The following ITIH2 variants were observed in gnomAD, a reference collection of about 807,000 sequenced individuals.
The protein encoded by ITIH2 is inter-alpha-trypsin inhibitor heavy chain H2.
In ITIH2, 103 loss-of-function variants were observed where a neutral mutation model predicts 104.4. The observed-to-expected ratio is 0.99, with a 90% CI of 0.84 to 1.16. The LOEUF (loss-of-function observed/expected upper bound fraction) is 1.16. ITIH2 is among the 50% of genes most tolerant of loss of function. The pLI is 0.00. For synonymous variants in ITIH2, 436 were observed against 435.4 expected (o/e 1.00, Z -0.02); for missense variants, 1,108 against 1,162.4 (o/e 0.95, Z 0.68).
At chr10:7,719,693 C>A (rs1284473866) in intron 6 of ITIH2, among the ~76,000 whole-genome samples, 1 of 131,324 alleles carries the variant, frequency 7.6e-6, no homozygotes, top group Admixed American at 9.2e-5. Flanking sequence ...CCTAAAAAAT[C>A]GAGGCTGCAG....
intron 2 of ITIH2, 38 bp downstream of exon 2, chr10:7,705,220 T>C: frequency 7.4e-7 from 1 of 1,348,342 alleles, no homozygotes; most frequent in Non-Finnish European, 1.1e-6. Flanking sequence ...GGAAAAAAAG[T>C]GAAAGAGATT....
rs370568864 is a variant in ITIH2 at position 7,730,478 on chromosome 10, G to A, written c.1461+345G>A. Among the ~76,000 whole-genome samples, 6 of 152,188 alleles carry A rather than the reference G, an allele frequency of 3.9e-5. No individual in the cohort carries two copies. The South Asian group carries it at 8.3e-4, about 21-fold the overall frequency. On this transcript the variant is annotated intron_variant, in intron 12 of 20. Coordinates refer to ENST00000358415, the MANE Select transcript of ITIH2 (RefSeq NM_002216.3). ...CATGGCCAACCGTTTTCTCTTTAAC[G>A]TGCATTGGCATCTTGGTATCAATTT...
chr10:7,727,893 G>C, intron 11 of ITIH2, 65 bp downstream of exon 11: 1 of 1,570,236 alleles, frequency 6.4e-7, no homozygotes. Flanking sequence ...ATGGTGGTTT[G>C]CCTAAAAGGG....
At chr10:7,748,965 A>G (rs1230900172) in intron 20 of ITIH2, among the ~76,000 whole-genome samples, 1 of 152,104 alleles carries the variant, frequency 6.6e-6, no homozygotes, top group East Asian at 1.9e-4. Context: ...GTCAACTCTA[A>G]GGGTTCTTTG....
At chr10:7,722,258 G>A (rs1834911420) in intron 8 of ITIH2, among the ~76,000 whole-genome samples, 1 of 152,086 alleles carries the variant, frequency 6.6e-6, no homozygotes, top group African/African-American at 2.4e-5. Flanking sequence ...TTGTACTAAG[G>A]TGAGGACTCT....
At chr10:7,716,462 T>A (rs1834850494) in intron 5 of ITIH2, among the ~76,000 whole-genome samples, 1 of 151,998 alleles carries the variant, frequency 6.6e-6, no homozygotes, top group Admixed American at 6.6e-5. Flanking sequence ...TCAGGCCAGG[T>A]GCAGTGGCTC....
At position 7,717,782 on chromosome 10, in the gene ITIH2, C is replaced by A. The variant is rs1834865018; in HGVS notation, c.624C>A (p.His208Gln). The A allele has an allele frequency of 6.2e-7, 1 of 1,609,234 alleles. No individual in the cohort carries two copies. Among genetic ancestry groups the A allele is most frequent in the Non-Finnish European group, 8.5e-7 (1 of 1,177,394 alleles). Residue 208 changes from histidine to glutamine, a missense_variant, in exon 6 of 21, where the codon CAC (histidine) becomes CAA (glutamine). Physicochemically the swap from His to Gln is conservative, Grantham distance 24. Transcript: ENST00000358415. ...IYLQPGRLAK[H>Q]LEVDVWVIEP... ...TGCAACCTGGACGGCTGGCCAAACA[C>A]TTAGAGGTAAGCCTGGATCTGTAGG...
Position 7,746,595 on chromosome 10 carries a change from C to A in ITIH2, c.2584C>A (p.Gln862Lys). 1 of 1,604,698 alleles carries A rather than the reference C, an allele frequency of 6.2e-7. No individual in the cohort carries two copies. Among genetic ancestry groups the A allele is most frequent in the South Asian group, 1.1e-5 (1 of 90,794 alleles). ...FSPKAHGLIG[Q>K]FMQEPKIHIF... ...AATGTCTGATTCTGTTTTGCTAGGCCAGTTCATGCAGGAACCAAAGATACA... is the reference window on the plus strand; with the variant it reads ...AATGTCTGATTCTGTTTTGCTAGGCAAGTTCATGCAGGAACCAAAGATACA... The change falls in exon 20 of 21, where the codon CAG becomes AAG. Residue 862 changes from glutamine (Q) to lysine (K), a missense_variant and splice_region_variant. Gln to Lys is a moderately conservative substitution (Grantham distance 53). Coordinates refer to ENST00000358415, the MANE Select transcript of ITIH2 (RefSeq NM_002216.3).
chr10:7,747,849 T>C (rs1835194321), intron 20 of ITIH2, among the ~76,000 whole-genome samples: 1 of 151,892 alleles, frequency 6.6e-6, no homozygotes, highest in Non-Finnish European at 1.5e-5. Flanking sequence ...AAGTGACTTA[T>C]GATTGTGCCT....
At chr10:7,730,464 G>A (rs1167194178) in intron 12 of ITIH2, among the ~76,000 whole-genome samples, 3 of 152,078 alleles carry the variant, frequency 2.0e-5, no homozygotes, top group African/African-American at 7.2e-5. Flanking sequence ...ATGGCCAACC[G>A]TTTTCTCTTT....
chr10:7,723,522 T>A lies in ITIH2; in HGVS notation c.939T>A (p.Phe313Leu). Residue 313 changes from phenylalanine to leucine, a missense_variant, in exon 9 of 21, where the codon TTT (phenylalanine) becomes TTA (leucine). Phe to Leu is a conservative substitution (Grantham distance 22). Transcript: ENST00000358415. ...NLDPIPKNIL[F>L]VIDVSGSMWG... ...ACCCAATTCCCAAAAACATCCTCTT[T>A]GTCATCGATGTGAGTGGCTCCATGT... The A allele has an allele frequency of 6.2e-7, 1 of 1,614,048 alleles. No homozygotes were observed. Among genetic ancestry groups the A allele is most frequent in the Non-Finnish European group, 8.5e-7 (1 of 1,179,908 alleles).
At chr10:7,703,587 G>A (rs751634569) in intron 1 of ITIH2, 69 bp downstream of exon 1, 55 of 927,024 alleles carry the variant, frequency 5.9e-5, no homozygotes, top group South Asian at 1.3e-4. Context: ...TATTGGAATC[G>A]CTATTCAATG....
intron 20 of ITIH2, among the ~76,000 whole-genome samples, chr10:7,748,701 C>A (rs1158296455): frequency 4.0e-5 from 6 of 151,080 alleles, no homozygotes; most frequent in Non-Finnish European, 8.9e-5. Context: ...ACCACCATGC[C>A]CAGGTAATTT....
chr10:7,720,266 AT>A lies in ITIH2; in HGVS notation c.631-587del, dbSNP rs1346209972. ...CAATATATTCATGTAACCAAACTGC[AT>A]TTGTACTCCTTAAATTTATACAGAT... On this transcript the variant is annotated intron_variant, in intron 6 of 20. Coordinates refer to ENST00000358415, the MANE Select transcript of ITIH2 (RefSeq NM_002216.3). 2.0e-5 allele frequency among the ~76,000 whole-genome samples: 3 copies of A among 152,212 alleles called. No homozygotes were observed. In the East Asian group the frequency reaches 5.8e-4, roughly 29 times the overall value.
At chr10:7,711,633 A>T (rs1834797800) in intron 4 of ITIH2, among the ~76,000 whole-genome samples, 1 of 152,122 alleles carries the variant, frequency 6.6e-6, no homozygotes, top group Non-Finnish European at 1.5e-5. Flanking sequence ...GGCAAGAGTC[A>T]CCTGTCTCCT....
At chr10:7,743,063 T>G in intron 16 of ITIH2, 83 bp from the exon 17 acceptor site, 1 of 721,558 alleles carries the variant, frequency 1.4e-6, no homozygotes, top group East Asian at 2.6e-5. Context: ...CTGATTAAAT[T>G]AAAGATGTTC....
At chr10:7,729,326 A>C (rs758355817) in intron 11 of ITIH2, among the ~76,000 whole-genome samples, 1 of 152,080 alleles carries the variant, frequency 6.6e-6, no homozygotes, top group Non-Finnish European at 1.5e-5. Flanking sequence ...AAAAAAAACA[A>C]AATTAAACCA....
intron 3 of ITIH2, 110 bp downstream of exon 3, chr10:7,707,343 T>G: frequency 1.3e-6 from 1 of 791,294 alleles, no homozygotes; most frequent in Non-Finnish European, 2.2e-6. Flanking sequence ...TACCTGACTT[T>G]CGAAATACTG....
chr10:7,713,602 G>A (rs1235036201), intron 5 of ITIH2, among the ~76,000 whole-genome samples: 1 of 152,186 alleles, frequency 6.6e-6, no homozygotes, highest in Admixed American at 6.5e-5. Context: ...GTGATCTTGT[G>A]ATCTTGTTAC....
Sources: gnomAD v4.1 joint callset for allele counts (sites outside exome capture counted in the v4.1 genomes callset) on GRCh38, gnomAD v4.1.1 for gene constraint, MANE v1.5 for transcripts, NCBI Gene and HGNC (gene_info 2026-07-23, HGNC 2026-07-21) for gene names.